AKAP19: variants seen among roughly 807,000 people sequenced by gnomAD.
The protein encoded by AKAP19 is small A-kinase anchoring protein.
chr2:190,004,905 C>T, the AKAP19 span, among the ~76,000 whole-genome samples: 5,225 of 152,228 alleles, frequency 0.034, 286 homozygotes, highest in African/African-American at 0.12. Context: ...CCACTCTGGG[C>T]GATATTACTG....
the AKAP19 span, among the ~76,000 whole-genome samples, chr2:190,129,096 A>G: frequency 6.6e-6 from 1 of 152,242 alleles, no homozygotes; most frequent in African/African-American, 2.4e-5. Context: ...GCACATGTAC[A>G]TCAACTGGCA....
chr2:189,934,507 T>A, the AKAP19 span, among the ~76,000 whole-genome samples: 2 of 151,964 alleles, frequency 1.3e-5, no homozygotes, highest in Non-Finnish European at 2.9e-5. Flanking sequence ...TTGTTGACTT[T>A]TAAAAATCAA....
At chr2:190,001,260 G>T in the AKAP19 span, among the ~76,000 whole-genome samples, 3 of 151,960 alleles carry the variant, frequency 2.0e-5, no homozygotes, top group South Asian at 6.2e-4. Flanking sequence ...CCCTTGGTTT[G>T]GTTCTTTGAA....
the AKAP19 span, among the ~76,000 whole-genome samples, chr2:190,187,036 C>T: frequency 1.3e-5 from 2 of 152,102 alleles, no homozygotes; most frequent in African/African-American, 4.8e-5. Flanking sequence ...GATGGCATTT[C>T]ACCATGTTGG....
the AKAP19 span, among the ~76,000 whole-genome samples, chr2:190,031,035 C>A: frequency 2.0e-5 from 3 of 152,070 alleles, no homozygotes; most frequent in Non-Finnish European, 2.9e-5. Flanking sequence ...TAATGGCTAC[C>A]CTTTCCCCCA....
chr2:190,203,289 A>G, the AKAP19 span: 64 of 167,200 alleles, frequency 3.8e-4, 1 homozygote, highest in East Asian at 8.3e-3. Context: ...TTGAATAACT[A>G]AATAGGACAT....
the AKAP19 span, among the ~76,000 whole-genome samples, chr2:189,908,177 T>G: frequency 1.3e-5 from 2 of 150,114 alleles, no homozygotes; most frequent in Admixed American, 1.4e-4. Flanking sequence ...ATTTTCTTCA[T>G]GTAGATGTTT....
the AKAP19 span, among the ~76,000 whole-genome samples, chr2:189,928,468 G>A: frequency 1.8e-4 from 28 of 152,056 alleles, no homozygotes; most frequent in South Asian, 3.1e-3. Flanking sequence ...AATAAAAAAA[G>A]CAATTATCAC....
the AKAP19 span, among the ~76,000 whole-genome samples, chr2:189,978,324 A>G: frequency 6.6e-6 from 1 of 151,550 alleles, no homozygotes; most frequent in African/African-American, 2.4e-5. Flanking sequence ...GCTCCCACTT[A>G]TAAGTGAAAA....
chr2:190,151,325 C>T, the AKAP19 span, among the ~76,000 whole-genome samples: 1 of 152,150 alleles, frequency 6.6e-6, no homozygotes, highest in Non-Finnish European at 1.5e-5. Flanking sequence ...AGGTGTTAAG[C>T]TCCGCATGCG....
chr2:190,006,094 G>A, the AKAP19 span, among the ~76,000 whole-genome samples: 150,326 of 152,358 alleles, frequency 0.99, 74,206 homozygotes, highest in Middle Eastern at 1. Context: ...ATTACATCCA[G>A]TGAGAAGGCA....
the AKAP19 span, among the ~76,000 whole-genome samples, chr2:190,129,179 T>C: frequency 6.6e-6 from 1 of 152,214 alleles, no homozygotes; most frequent in African/African-American, 2.4e-5. Flanking sequence ...GTACTCCATT[T>C]ACTGATGCCT....
chr2:189,892,421 G>A, the AKAP19 span, among the ~76,000 whole-genome samples: 1 of 152,154 alleles, frequency 6.6e-6, no homozygotes, highest in African/African-American at 2.4e-5. Context: ...CGGTTTCTGT[G>A]TAGACATCCT....
the AKAP19 span, among the ~76,000 whole-genome samples, chr2:189,941,622 G>C: frequency 6.6e-6 from 1 of 150,776 alleles, no homozygotes; most frequent in Non-Finnish European, 1.5e-5. Flanking sequence ...ATATCTATAA[G>C]ATGTTTTTTG....
the AKAP19 span, among the ~76,000 whole-genome samples, chr2:190,019,057 G>A: frequency 2.3e-4 from 35 of 152,330 alleles, no homozygotes; most frequent in Admixed American, 6.5e-4. Flanking sequence ...TAGGGTTGCA[G>A]GCTAGGCCCT....
the AKAP19 span, among the ~76,000 whole-genome samples, chr2:189,988,790 C>T: frequency 6.6e-6 from 1 of 152,228 alleles, no homozygotes; most frequent in African/African-American, 2.4e-5. Flanking sequence ...GACTACATTT[C>T]CCAGTCTGAC....
chr2:190,146,351 T>C, the AKAP19 span, among the ~76,000 whole-genome samples: 1 of 152,222 alleles, frequency 6.6e-6, no homozygotes, highest in African/African-American at 2.4e-5. Flanking sequence ...ATTCCGTCAT[T>C]TATATATATC....
At chr2:189,991,450 A>T in the AKAP19 span, among the ~76,000 whole-genome samples, 22 of 152,140 alleles carry the variant, frequency 1.4e-4, no homozygotes. Context: ...GTAATTAGTG[A>T]TGTTGAGAAT....
At chr2:189,982,921 T>C in the AKAP19 span, among the ~76,000 whole-genome samples, 134 of 152,218 alleles carry the variant, frequency 8.8e-4, no homozygotes, top group East Asian at 0.022. Flanking sequence ...GATTATGGAC[T>C]AGCATTAAGC....
Sources: allele counts gnomAD v4.1 joint callset (sites outside exome capture counted in the v4.1 genomes callset), GRCh38; gene constraint gnomAD v4.1.1; transcripts MANE v1.5; gene names NCBI Gene and HGNC (gene_info 2026-07-23, HGNC 2026-07-21).